The following SUN1 variants were observed in gnomAD, a reference collection of about 807,000 sequenced individuals.
SUN1 encodes the protein Sad1 and UNC84 domain containing 1.
Under a neutral mutation model 103.2 loss-of-function variants are expected in SUN1, and 61 were observed. The observed-to-expected ratio is 0.59, with a 90% confidence interval of 0.48 to 0.73. The LOEUF is 0.73. Ranked by LOEUF, SUN1 falls within the 30% of genes least tolerant of loss-of-function variation. SUN1 has a pLI of 0.00. For synonymous variants in SUN1, 490 were observed against 425.7 expected, an observed-to-expected ratio of 1.15 and a Z score of -1.86; for missense variants, 1,052 against 1,034.6, an observed-to-expected ratio of 1.02 and a Z score of -0.23.
chr7:853,313 C>A, intron 9 of SUN1, 96 bp from the exon 10 acceptor site: 1 of 1,411,192 alleles, frequency 7.1e-7, no homozygotes, highest in Non-Finnish European at 9.9e-7. Flanking sequence ...CGCCCCAGAG[C>A]TGGCGTCTTG....
At chr7:859,024 G>A (rs1830048173) in intron 13 of SUN1, among the ~76,000 whole-genome samples, 1 of 152,056 alleles carries the variant, frequency 6.6e-6, no homozygotes. Flanking sequence ...GTGGTGGTGG[G>A]TGCCTGTAAT....
chr7:845,188 C>T (rs1035260223), intron 5 of SUN1, among the ~76,000 whole-genome samples: 3 of 152,122 alleles, frequency 2.0e-5, no homozygotes, highest in Non-Finnish European at 1.5e-5. Context: ...AGTATGCTGG[C>T]GGTCAGGGCC....
At chr7:849,029 G>A (rs538085311) in intron 5 of SUN1, among the ~76,000 whole-genome samples, 1 of 151,974 alleles carries the variant, frequency 6.6e-6, no homozygotes, top group South Asian at 2.1e-4. Context: ...TCGGCTCACC[G>A]CAACCTCCGC....
In SUN1 at chr7:817,242, G is replaced by A. The variant is rs936181787; in HGVS notation, c.-74+569G>A. On this transcript the variant is annotated intron_variant, in intron 1 of 17. Coordinates refer to the SUN1 transcript ENST00000389574. Reference sequence around the variant, plus strand: ...CCCGAAGCGCTCGGATCACAGGCGTGAGCCACCGCGCCCGGCTGATAGTCG... The same window carrying A: ...CCCGAAGCGCTCGGATCACAGGCGTAAGCCACCGCGCCCGGCTGATAGTCG... The A allele has an allele frequency of 1.6e-5, 10 of 644,596 alleles. No individual in the cohort carries two copies. In the African/African-American group the frequency reaches 1.8e-4, roughly 12 times the overall value. 39.9% of individuals were successfully genotyped at this position (644,596 alleles called of 1,614,324 possible). A position where few individuals can be genotyped will look rare whatever the true frequency, so the allele number is the denominator to read the frequency against.
At chr7:849,284 ATT>A (rs2128356618) in intron 5 of SUN1, among the ~76,000 whole-genome samples, 2 of 152,262 alleles carry the variant, frequency 1.3e-5, no homozygotes, top group Admixed American at 1.3e-4. Context: ...CAATCTTTGT[ATT>A]GTTTGGGCCA....
At chr7:839,067 C>A in intron 2 of SUN1, 81 bp downstream of exon 2, 1 of 1,373,526 alleles carries the variant, frequency 7.3e-7, no homozygotes, top group Non-Finnish European at 9.6e-7. Flanking sequence ...GTCTGTAAAG[C>A]CGCACCCTGT....
At chr7:832,707 TA>T (rs2128226681) in intron 1 of SUN1, 106 bp downstream of exon 1, 2 of 849,432 alleles carry the variant, frequency 2.4e-6, no homozygotes, top group East Asian at 5.4e-5. Flanking sequence ...CTACATGCTG[TA>T]TTTTGAAGGT....
At chr7:825,897 GT>G (rs35417722) in intron 1 of SUN1, among the ~76,000 whole-genome samples, 3,393 of 148,662 alleles carry the variant, frequency 0.023, 74 homozygotes, top group East Asian at 0.14. Context: ...TTTAGTACTG[GT>G]TTTTTTTTTT....
At chr7:851,228 C>A (rs184481516) in intron 5 of SUN1, 156 bp from the exon 6 acceptor site, 155 of 561,118 alleles carry the variant, frequency 2.8e-4, no homozygotes, top group African/African-American at 2.7e-3. Context: ...CCAGCACTTA[C>A]AAGAGTTATT....
chr7:835,579 C>G (rs4719520), intron 1 of SUN1, among the ~76,000 whole-genome samples: 24,105 of 152,104 alleles, frequency 0.16, 2,113 homozygotes, highest in African/African-American at 0.19. Context: ...TTCTTGTCAA[C>G]TGGTAGTTAA....
At chr7:831,873 A>T (rs141562794), upstream of SUN1, 2,010 of 220,742 alleles carry the variant, frequency 9.1e-3, 18 homozygotes, top group Non-Finnish European at 0.012. Context: ...TTTTAGCCAG[A>T]GGAAAGTATG....
intron 1 of SUN1, among the ~76,000 whole-genome samples, chr7:835,847 A>G (rs1439320378): frequency 2.0e-5 from 3 of 152,350 alleles, no homozygotes; most frequent in Non-Finnish European, 2.9e-5. Flanking sequence ...GCTGCTGCCC[A>G]TGCTCAGATC....
chr7:868,072 A>T (rs1309437960), intron 16 of SUN1, among the ~76,000 whole-genome samples: 2 of 152,186 alleles, frequency 1.3e-5, no homozygotes, highest in African/African-American at 4.8e-5. Flanking sequence ...TTGGGGGCTG[A>T]GGGGCAGTAA....
intron 1 of SUN1, chr7:833,369 G>T (rs980101646): frequency 6.6e-6 from 1 of 150,832 alleles, no homozygotes; most frequent in Non-Finnish European, 1.5e-5. Flanking sequence ...AGAGTGCAGT[G>T]GTGCAATCTC....
At chr7:822,422 A>G (rs897185622) in intron 1 of SUN1, among the ~76,000 whole-genome samples, 13 of 152,184 alleles carry the variant, frequency 8.5e-5, no homozygotes, top group African/African-American at 3.1e-4. Context: ...GGTCTCAGAC[A>G]AGCAGCGTGG....
chr7:837,096 C>T (rs1804074975), intron 1 of SUN1, among the ~76,000 whole-genome samples: 1 of 152,264 alleles, frequency 6.6e-6, no homozygotes, highest in Admixed American at 6.5e-5. Context: ...TAGGCCCACC[C>T]TGTCCTGGCA....
At chr7:862,617 A>G (rs1385535794) in intron 15 of SUN1, among the ~76,000 whole-genome samples, 2 of 152,230 alleles carry the variant, frequency 1.3e-5, no homozygotes, top group Non-Finnish European at 2.9e-5. Context: ...AGAGGCATCA[A>G]TTGACATGAA....
At chr7:822,470 T>C (rs948144016) in intron 1 of SUN1, among the ~76,000 whole-genome samples, 3 of 152,226 alleles carry the variant, frequency 2.0e-5, no homozygotes, top group South Asian at 4.1e-4. Flanking sequence ...CCTGGGTCCC[T>C]ACGGTGGGGA....
intron 5 of SUN1, among the ~76,000 whole-genome samples, chr7:849,364 G>A (rs1051776958): frequency 6.6e-6 from 1 of 152,186 alleles, no homozygotes; most frequent in African/African-American, 2.4e-5. Flanking sequence ...CCCTGTCAGC[G>A]GCATTCACCT....
Sources: gnomAD v4.1 joint callset for allele counts (sites outside exome capture counted in the v4.1 genomes callset) on GRCh38, gnomAD v4.1.1 for gene constraint, MANE v1.5 for transcripts, NCBI Gene and HGNC (gene_info 2026-07-23, HGNC 2026-07-21) for gene names.